Variants in RAD54L observed in about 807,000 individuals in gnomAD.
RAD54L encodes DNA repair and recombination protein RAD54-like.
A neutral mutation model predicts 91.6 loss-of-function variants in RAD54L; 74 were observed. The ratio of observed to expected loss-of-function variants is 0.81; its 90% CI spans 0.67 to 0.98. The LOEUF (loss-of-function observed/expected upper bound fraction) is 0.98, where lower values mean the gene tolerates loss of function less well. RAD54L is among the 50% of genes least tolerant of loss of function. The pLI, the probability that RAD54L is intolerant of heterozygous loss-of-function variation, is 0.00. For synonymous variants in RAD54L, 304 were observed against 349.7 expected, an observed-to-expected ratio of 0.87 and a Z score of 1.46; for missense variants, 887 against 945.7, an observed-to-expected ratio of 0.94 and a Z score of 0.81.
rs960285332 is a variant in RAD54L at position 46,260,418 on chromosome 1, CA to C, written c.408-123del. 31 of 1,049,324 alleles carry C rather than the reference CA, an allele frequency of 3.0e-5. No homozygotes were observed. In the African/African-American group the frequency reaches 3.9e-4, roughly 13 times the overall value. 65.0% of individuals were successfully genotyped at this position (1,049,324 alleles called of 1,614,324 possible). On this transcript the variant is annotated intron_variant, in intron 5 of 17. Transcript: ENST00000371975. Reference sequence around the variant, plus strand: ...AACTTGCTATGGTTTTACGATTTATCAGCCAAGAAGGTCTTCTTTTAGGCAG... The same window carrying C: ...AACTTGCTATGGTTTTACGATTTATCGCCAAGAAGGTCTTCTTTTAGGCAG...
chr1:46,254,576 G>C (rs1659889297), intron 3 of RAD54L, among the ~76,000 whole-genome samples: 1 of 150,362 alleles, frequency 6.7e-6, no homozygotes, highest in Non-Finnish European at 1.5e-5. Flanking sequence ...GCCCTGGGGA[G>C]CACTGACTTT....
chr1:46,251,562 C>T (rs1200055663), intron 3 of RAD54L, among the ~76,000 whole-genome samples: 1 of 151,726 alleles, frequency 6.6e-6, no homozygotes, highest in Non-Finnish European at 1.5e-5. Flanking sequence ...AGTGAGACCA[C>T]CTCAAAAAAA....
In RAD54L at chr1:46,258,702, G is replaced by T; in HGVS notation, c.227G>T (p.Ser76Ile). Residue 76 changes from serine (S) to isoleucine (I), a missense_variant, in exon 4 of 18, where the codon AGC (serine) becomes ATC (isoleucine). Ser to Ile is a moderately radical substitution (Grantham distance 142). Transcript: ENST00000371975. ...TCTTTTTAGGAAGCATTTATTCGAA[G>T]CATTTTGTCAAAGCCTTTCAAAGTC... ...DSSQHEAFIR[S>I]ILSKPFKVPI... The T allele has an allele frequency of 6.2e-7, 1 of 1,607,840 alleles. No individual in the cohort carries two copies. The highest frequency in any genetic ancestry group is 1.1e-5 in the South Asian group (1 of 90,956).
Position 46,248,314 on chromosome 1 carries a change from A to G in RAD54L, c.-92A>G. The stretch of plus-strand genomic sequence containing the variant: ...TCTCAATAATGTAGCAGCCCCCTCT[A>G]CAGATTAGACCCTGGTCCTACACTC... On this transcript the variant is annotated 5_prime_UTR_variant, in exon 1 of 18. Coordinates refer to ENST00000371975, the MANE Select transcript of RAD54L (RefSeq NM_003579.4). 1 of 1,500,510 alleles carries G rather than the reference A, an allele frequency of 6.7e-7. No homozygotes were observed. The highest frequency in any genetic ancestry group is 1.2e-5 in the South Asian group (1 of 86,882). 92.9% of individuals were successfully genotyped at this position (1,500,510 alleles called of 1,614,324 possible).
Position 46,270,751 on chromosome 1 carries a change from G to A in RAD54L, c.1135G>A (p.Glu379Lys). The change falls in exon 10 of 18, where the codon GAG becomes AAG. Residue 379 changes from glutamate to lysine, a missense_variant. Coordinates refer to ENST00000371975, the MANE Select transcript of RAD54L (RefSeq NM_003579.4). ...ASEADRQLGEERLRELTSIVN... is the reference protein window; with the variant it reads ...ASEADRQLGEKRLRELTSIVN... ...TGAGGCAGACAGGCAGCTAGGAGAGGAGCGGCTGCGGGAGCTCACCAGCAT... is the reference window on the plus strand; with the variant it reads ...TGAGGCAGACAGGCAGCTAGGAGAGAAGCGGCTGCGGGAGCTCACCAGCAT... 1 of 1,614,230 alleles carries A rather than the reference G, an allele frequency of 6.2e-7. No homozygotes were observed. Among genetic ancestry groups the A allele is most frequent in the Non-Finnish European group, 8.5e-7 (1 of 1,180,036 alleles).
At chr1:46,250,447 T>C (rs1015822126) in intron 3 of RAD54L, among the ~76,000 whole-genome samples, 4 of 152,194 alleles carry the variant, frequency 2.6e-5, no homozygotes, top group African/African-American at 9.7e-5. Context: ...GTATTTCCTC[T>C]AGTAAAGTCA....
At chr1:46,249,012 C>T (rs1659730409) in intron 2 of RAD54L, among the ~76,000 whole-genome samples, 1 of 152,174 alleles carries the variant, frequency 6.6e-6, no homozygotes, top group Non-Finnish European at 1.5e-5. Context: ...AGGTTGTGTC[C>T]TTCCAGTCCT....
chr1:46,268,185 T>C (rs1447359689), intron 9 of RAD54L, among the ~76,000 whole-genome samples: 2 of 152,034 alleles, frequency 1.3e-5, no homozygotes, highest in African/African-American at 2.4e-5. Context: ...CTGGGCAACA[T>C]AGTGAGACCT....
intron 3 of RAD54L, among the ~76,000 whole-genome samples, chr1:46,253,212 A>C (rs942621312): frequency 6.6e-6 from 1 of 152,274 alleles, no homozygotes; most frequent in African/African-American, 2.4e-5. Flanking sequence ...TGTCCAGAAG[A>C]TATGAACAGG....
intron 3 of RAD54L, among the ~76,000 whole-genome samples, chr1:46,258,059 A>C (rs1429776643): frequency 6.6e-6 from 1 of 152,008 alleles, no homozygotes; most frequent in Admixed American, 6.6e-5. Flanking sequence ...TATTTTTAAA[A>C]TAGAGATGGG....
intron 10 of RAD54L, among the ~76,000 whole-genome samples, chr1:46,271,216 T>C (rs1036737776): frequency 3.3e-5 from 5 of 152,158 alleles, no homozygotes; most frequent in African/African-American, 1.2e-4. Context: ...ACTGACTTTT[T>C]CATGGGAGTT....
Position 46,260,714 on chromosome 1 carries a change from T to C in RAD54L, c.478-13T>C. On this transcript the variant is annotated splice_polypyrimidine_tract_variant and intron_variant, in intron 6 of 17. Coordinates refer to ENST00000371975, the MANE Select transcript of RAD54L (RefSeq NM_003579.4). ...GTAGGTGCCAAAGTGGACTGAAGGCTGTTATTCTCTAGGGAGTGAAATTCC... is the reference window on the plus strand; with the variant it reads ...GTAGGTGCCAAAGTGGACTGAAGGCCGTTATTCTCTAGGGAGTGAAATTCC... 1 of 1,614,192 alleles carries C rather than the reference T, an allele frequency of 6.2e-7. No individual in the cohort carries two copies. The highest frequency in any genetic ancestry group is 8.5e-7 in the Non-Finnish European group (1 of 1,180,032).
chr1:46,277,484 T>C (rs1318881996), intron 16 of RAD54L: 2 of 402,408 alleles, frequency 5.0e-6, no homozygotes, highest in African/African-American at 4.1e-5. Flanking sequence ...CTAAATGATA[T>C]TTATTGAATG....
chr1:46,273,788 C>T (rs1660510290), intron 14 of RAD54L, 41 bp downstream of exon 14: 9 of 1,567,526 alleles, frequency 5.7e-6, no homozygotes, highest in Non-Finnish European at 7.8e-6. Context: ...GGGGATATAC[C>T]CCTCCCCTAC....
In RAD54L at chr1:46,261,324, C is replaced by A; in HGVS notation, c.830C>A (p.Thr277Asn). The change falls in exon 8 of 18, where the codon ACC (threonine) becomes AAC (asparagine). Residue 277 changes from threonine to asparagine, a missense_variant. Physicochemically the swap from Thr to Asn is moderately conservative, Grantham distance 65 (BLOSUM62 0). Transcript: ENST00000371975. ...CCCATCCTCATCATTTCCTATGAGA[C>A]CTTCCGCCTTCATGTTGGAGTCCTC... ...SSPILIISYE[T>N]FRLHVGVLQK... 1 of 1,613,554 alleles carries A rather than the reference C, an allele frequency of 6.2e-7. No individual in the cohort carries two copies. Among genetic ancestry groups the A allele is most frequent in the Non-Finnish European group, 8.5e-7 (1 of 1,179,888 alleles).
At chr1:46,276,688 T>A (rs1199709832) in intron 16 of RAD54L, among the ~76,000 whole-genome samples, 1 of 152,232 alleles carries the variant, frequency 6.6e-6, no homozygotes, top group Admixed American at 6.5e-5. Flanking sequence ...TACTTCTGTC[T>A]TATCCCAACC....
chr1:46,275,699 A>G (rs1053389013), intron 16 of RAD54L, among the ~76,000 whole-genome samples: 4 of 152,020 alleles, frequency 2.6e-5, no homozygotes, highest in Admixed American at 2.6e-4. Flanking sequence ...TACCTAACTC[A>G]TCTTCTTTCT....
At chr1:46,267,430 T>A (rs1453660626) in intron 8 of RAD54L, 29 bp from the exon 9 acceptor site, 1 of 1,613,270 alleles carries the variant, frequency 6.2e-7, no homozygotes, top group East Asian at 2.2e-5. Context: ...GAATGCCACA[T>A]TGCGCTCTGA....
At position 46,278,424 on chromosome 1, in the gene RAD54L, A is replaced by T. The variant is rs531349598; in HGVS notation, c.*142A>T. 239 of 1,027,100 alleles carry T rather than the reference A, an allele frequency of 2.3e-4. 1 individual carries two copies. Among genetic ancestry groups the T allele is most frequent in the Middle Eastern group, 9.3e-4 (3 of 3,214 alleles). 63.6% of individuals were successfully genotyped at this position (1,027,100 alleles called of 1,614,324 possible). ...ATGATGTTTGCCCAAAATTTATTTT[A>T]TAAGAAAAACTTTTTTGGTTAAAAA... On this transcript the variant is annotated 3_prime_UTR_variant, in exon 18 of 18. Coordinates refer to ENST00000371975, the MANE Select transcript of RAD54L (RefSeq NM_003579.4).
Sources: allele counts gnomAD v4.1 joint callset (sites outside exome capture counted in the v4.1 genomes callset), GRCh38; gene constraint gnomAD v4.1.1; transcripts MANE v1.5; gene names NCBI Gene and HGNC (gene_info 2026-07-23, HGNC 2026-07-21).